Variants in GRM7 observed in about 807,000 individuals in gnomAD.
GRM7 encodes the protein metabotropic glutamate receptor 7.
Under a neutral mutation model 84.5 loss-of-function variants are expected in GRM7, and 35 were observed. The observed-to-expected ratio is 0.41, with a 90% CI of 0.32 to 0.55. GRM7 has a LOEUF of 0.55. GRM7 is among the 20% of genes least tolerant of loss of function. The probability of loss-of-function intolerance (pLI) is 0.19; values close to 1 mark genes in which losing one functional copy is unlikely to be tolerated. For synonymous variants in GRM7, 487 were observed against 455.1 expected (o/e 1.07, Z -0.89); for missense variants, 1,003 against 1,194.6 (o/e 0.84, Z 2.36).
At chr3:7,338,149 G>A (rs1247459604) in intron 4 of GRM7, among the ~76,000 whole-genome samples, 8 of 141,562 alleles carry the variant, frequency 5.7e-5, no homozygotes, top group Non-Finnish European at 1.1e-4. Context: ...CACACCCCAT[G>A]GAATACTATT....
At chr3:7,611,442 C>A (rs1379303689) in intron 8 of GRM7, among the ~76,000 whole-genome samples, 1 of 152,150 alleles carries the variant, frequency 6.6e-6, no homozygotes, top group Non-Finnish European at 1.5e-5. Flanking sequence ...AGATACCTGT[C>A]ATCCCTCCGT....
At chr3:7,028,982 G>A (rs371350720) in intron 1 of GRM7, among the ~76,000 whole-genome samples, 1 of 152,116 alleles carries the variant, frequency 6.6e-6, no homozygotes. Flanking sequence ...ACAGTATGTT[G>A]GTTCCTATAA....
intron 4 of GRM7, among the ~76,000 whole-genome samples, chr3:7,334,889 C>T (rs966626480): frequency 6.6e-6 from 1 of 152,070 alleles, no homozygotes; most frequent in Non-Finnish European, 1.5e-5. Flanking sequence ...ATGCACCTAA[C>T]ACTGGAGCTC....
chr3:7,596,511 G>A (rs1481907833), intron 8 of GRM7, among the ~76,000 whole-genome samples: 5 of 152,158 alleles, frequency 3.3e-5, no homozygotes, highest in African/African-American at 1.2e-4. Context: ...GGGAAGAAGA[G>A]GAAGTAGCAA....
intron 1 of GRM7, among the ~76,000 whole-genome samples, chr3:7,058,565 T>C (rs1668527704): frequency 6.6e-6 from 1 of 151,908 alleles, no homozygotes; most frequent in Admixed American, 6.6e-5. Context: ...TTATATATCA[T>C]TGTGTTTTAT....
intron 8 of GRM7, among the ~76,000 whole-genome samples, chr3:7,620,183 A>C (rs2125087396): frequency 6.6e-6 from 1 of 152,256 alleles, no homozygotes; most frequent in East Asian, 1.9e-4. Flanking sequence ...TATCTGAACA[A>C]AAATTTTGCT....
chr3:7,498,329 T>G (rs1023825548), intron 7 of GRM7, among the ~76,000 whole-genome samples: 3 of 152,154 alleles, frequency 2.0e-5, no homozygotes, highest in African/African-American at 7.2e-5. Flanking sequence ...GGGACAGTAA[T>G]TTGGGTTGGG....
chr3:7,284,003 A>G (rs1290481189), intron 2 of GRM7, among the ~76,000 whole-genome samples: 1 of 152,222 alleles, frequency 6.6e-6, no homozygotes, highest in East Asian at 1.9e-4. Flanking sequence ...CAGTTCAAAT[A>G]TAACTGGAAC....
chr3:7,411,758 C>G (rs1162349636), intron 4 of GRM7, among the ~76,000 whole-genome samples: 2 of 152,166 alleles, frequency 1.3e-5, no homozygotes, highest in Admixed American at 1.3e-4. Context: ...CCACACTACA[C>G]ATTCTTGAAT....
chr3:7,661,589 T>G (rs1197682968), intron 8 of GRM7, among the ~76,000 whole-genome samples: 1 of 151,700 alleles, frequency 6.6e-6, no homozygotes, highest in Admixed American at 6.6e-5. Flanking sequence ...GGTCAGGAGA[T>G]CCAGACCATC....
At chr3:7,029,163 G>GT (rs1334052735) in intron 1 of GRM7, among the ~76,000 whole-genome samples, 21 of 152,004 alleles carry the variant, frequency 1.4e-4, no homozygotes, top group African/African-American at 5.1e-4. Flanking sequence ...AATTAGTTTG[G>GT]TGTGGTTGCA....
intron 1 of GRM7, among the ~76,000 whole-genome samples, chr3:6,942,025 A>G (rs1277664421): frequency 6.6e-6 from 1 of 152,244 alleles, no homozygotes; most frequent in Non-Finnish European, 1.5e-5. Flanking sequence ...AAACTTTCCA[A>G]TAAAGGTTGT....
chr3:6,946,265 G>A (rs1302055570), intron 1 of GRM7, among the ~76,000 whole-genome samples: 13 of 152,158 alleles, frequency 8.5e-5, no homozygotes, highest in Admixed American at 8.5e-4. Context: ...TCCAGTTTCA[G>A]CTTTCTACAT....
At chr3:7,198,098 C>A (rs1695939201) in intron 2 of GRM7, among the ~76,000 whole-genome samples, 1 of 149,734 alleles carries the variant, frequency 6.7e-6, no homozygotes, top group Non-Finnish European at 1.5e-5. Context: ...ATCAAAACTG[C>A]TGTAGAATCA....
At chr3:7,637,696 G>T (rs188886239) in intron 8 of GRM7, among the ~76,000 whole-genome samples, 1 of 152,182 alleles carries the variant, frequency 6.6e-6, no homozygotes, top group Non-Finnish European at 1.5e-5. Flanking sequence ...ACCACTGGCC[G>T]TAGTGACAGG....
At chr3:7,343,421 C>T (rs550200526) in intron 4 of GRM7, among the ~76,000 whole-genome samples, 18 of 152,062 alleles carry the variant, frequency 1.2e-4, no homozygotes, top group African/African-American at 4.1e-4. Context: ...ACTATGTTGC[C>T]CAGGCTGGTA....
chr3:6,918,435 C>G (rs778069994), intron 1 of GRM7, among the ~76,000 whole-genome samples: 2 of 152,142 alleles, frequency 1.3e-5, no homozygotes, highest in Non-Finnish European at 1.5e-5. Context: ...ATAAATTTGA[C>G]ATCCTGATGG....
At chr3:7,621,847 T>G (rs1377218256) in intron 8 of GRM7, among the ~76,000 whole-genome samples, 2 of 152,106 alleles carry the variant, frequency 1.3e-5, no homozygotes, top group African/African-American at 4.8e-5. Flanking sequence ...CAGCTATGTT[T>G]TGACATCATT....
chr3:7,408,584 G>C (rs1348302342), intron 4 of GRM7, among the ~76,000 whole-genome samples: 2 of 152,166 alleles, frequency 1.3e-5, no homozygotes, highest in East Asian at 1.9e-4. Flanking sequence ...ATTTACATCA[G>C]TTAATATTGA....
Sources: gnomAD v4.1 joint callset for allele counts (sites outside exome capture counted in the v4.1 genomes callset) on GRCh38, gnomAD v4.1.1 for gene constraint, MANE v1.5 for transcripts, NCBI Gene and HGNC (gene_info 2026-07-23, HGNC 2026-07-21) for gene names.